Variants in FERMT2 observed in about 807,000 individuals in gnomAD.
FERMT2 encodes fermitin family homolog 2.
FERMT2 carries 15 observed loss-of-function variants against 82.7 expected under a neutral mutation model. The observed-to-expected ratio is 0.18, with a 90% CI of 0.12 to 0.28. FERMT2 has a LOEUF of 0.28. FERMT2 is among the 10% of genes least tolerant of loss of function. The probability of loss-of-function intolerance (pLI) is 1.00; values close to 1 mark genes in which losing one functional copy is unlikely to be tolerated. For missense variants in FERMT2, 645 were observed against 809.4 expected, an observed-to-expected ratio of 0.80 and a Z score of 2.46; for synonymous variants, 274 against 271.5, an observed-to-expected ratio of 1.01 and a Z score of -0.09.
chr14:52,915,523 G>T (rs1888566350), intron 3 of FERMT2, among the ~76,000 whole-genome samples: 1 of 151,446 alleles, frequency 6.6e-6, no homozygotes. Flanking sequence ...CTTATGTGGA[G>T]AAATAACAGA....
At chr14:52,882,070 T>C (rs562793889) in intron 4 of FERMT2, among the ~76,000 whole-genome samples, 33 of 152,318 alleles carry the variant, frequency 2.2e-4, no homozygotes, top group East Asian at 1.2e-3. Context: ...GTCAAGTATA[T>C]AGTGACAAAT....
chr14:52,876,616 C>G (rs1157575160), intron 7 of FERMT2, among the ~76,000 whole-genome samples: 1 of 152,174 alleles, frequency 6.6e-6, no homozygotes, highest in Non-Finnish European at 1.5e-5. Flanking sequence ...TTAATACATA[C>G]TCTGACTTAA....
chr14:52,934,329 G>A (rs1481792485), intron 2 of FERMT2, among the ~76,000 whole-genome samples: 2 of 152,176 alleles, frequency 1.3e-5, no homozygotes, highest in African/African-American at 2.4e-5. Context: ...TTTATTTAGT[G>A]TACTGTAATT....
intron 13 of FERMT2, 170 bp downstream of exon 13, chr14:52,860,171 G>A (rs1226234143): frequency 2.8e-5 from 16 of 568,778 alleles, no homozygotes; most frequent in Middle Eastern, 4.7e-4. Flanking sequence ...AATTTTTAAT[G>A]TAGAAATTAA....
rs1884659363 is a variant in FERMT2 at position 52,857,809 on chromosome 14, T to C, written c.*568A>G. 1 of 153,356 alleles carries C rather than the reference T, an allele frequency of 6.5e-6. No homozygotes were observed. The highest frequency in any genetic ancestry group is 1.5e-5 in the Non-Finnish European group (1 of 68,572). The allele number at this position is 153,356 out of a possible 1,614,324, so 9.5% of individuals were successfully genotyped here. Reference sequence around the variant, plus strand: ...AAAACACGAGACAATATACATAACATGCTTATTCAAGGACAAAAACAAATC... The same window carrying C: ...AAAACACGAGACAATATACATAACACGCTTATTCAAGGACAAAAACAAATC... On this transcript the variant is annotated 3_prime_UTR_variant, in exon 15 of 15. Coordinates refer to ENST00000341590, the MANE Select transcript of FERMT2 (RefSeq NM_006832.3).
intron 2 of FERMT2, among the ~76,000 whole-genome samples, chr14:52,941,808 A>G (rs889088166): frequency 6.6e-6 from 1 of 152,216 alleles, no homozygotes; most frequent in Non-Finnish European, 1.5e-5. Context: ...CTCTTATAGA[A>G]TATATTAAGT....
At chr14:52,906,442 C>T (rs912777281) in intron 3 of FERMT2, among the ~76,000 whole-genome samples, 2 of 149,246 alleles carry the variant, frequency 1.3e-5, no homozygotes, top group Admixed American at 1.4e-4. Flanking sequence ...AAGAATCCAA[C>T]TAATTCCAAG....
intron 3 of FERMT2, among the ~76,000 whole-genome samples, chr14:52,897,037 CACACACACA>C (rs1887316360): frequency 6.7e-6 from 1 of 149,322 alleles, no homozygotes; most frequent in Non-Finnish European, 1.5e-5. Flanking sequence ...CACACACACA[CACACACACA>C]CACCATGGTA....
chr14:52,910,017 C>T (rs1465539157), intron 3 of FERMT2, among the ~76,000 whole-genome samples: 2 of 152,086 alleles, frequency 1.3e-5, no homozygotes, highest in Non-Finnish European at 2.9e-5. Context: ...TGCGCCACTG[C>T]ACTCCAGCCT....
chr14:52,950,614 CT>C (rs1389874252), intron 1 of FERMT2, 37 bp from the exon 2 acceptor site: 16 of 1,600,846 alleles, frequency 1.0e-5, no homozygotes, highest in Non-Finnish European at 1.3e-5. Flanking sequence ...GTAAGCGTCA[CT>C]CCCCCAAAGA....
intron 10 of FERMT2, 26 bp downstream of exon 10, chr14:52,872,773 C>G (rs1885705228): frequency 3.7e-6 from 6 of 1,611,786 alleles, no homozygotes; most frequent in Non-Finnish European, 5.1e-6. Context: ...CCACCATCAA[C>G]AACAGCCGTG....
chr14:52,877,573 G>GCTTT (rs1886039543), intron 7 of FERMT2, among the ~76,000 whole-genome samples: 1 of 12,096 alleles, frequency 8.3e-5, no homozygotes, highest in African/African-American at 3.8e-4. Flanking sequence ...AGCTGTTCTT[G>GCTTT]CTTTTTTTTT....
chr14:52,892,611 C>T (rs1887010744), intron 4 of FERMT2, among the ~76,000 whole-genome samples: 2 of 151,706 alleles, frequency 1.3e-5, no homozygotes, highest in African/African-American at 2.4e-5. Flanking sequence ...CGTGCCACCA[C>T]GTCCAGCTAA....
intron 10 of FERMT2, among the ~76,000 whole-genome samples, chr14:52,866,187 G>C (rs756659662): frequency 2.6e-5 from 4 of 152,158 alleles, no homozygotes; most frequent in Non-Finnish European, 5.9e-5. Context: ...CACTAGTGTA[G>C]GCTCAGAGGC....
rs201950576 is a variant in FERMT2, at chr14:52,929,967, ATCC to A, written c.158-10614_158-10612del. On this transcript the variant is annotated intron_variant, in intron 2 of 14. Coordinates refer to ENST00000341590, the MANE Select transcript of FERMT2 (RefSeq NM_006832.3). ...CAAGAAATATTTAACAAATGAATTA[ATCC>A]TCCTTTTGAAAATTTTAAAGATCTC... 4.9e-3 allele frequency among the ~76,000 whole-genome samples: 753 copies of A among 152,266 alleles called. 9 individuals are homozygous for A. The highest frequency in any genetic ancestry group is 0.017 in the African/African-American group (722 of 41,518).
chr14:52,921,747 GA>G (rs886586028), intron 2 of FERMT2, among the ~76,000 whole-genome samples: 13 of 148,340 alleles, frequency 8.8e-5, no homozygotes, highest in African/African-American at 2.0e-4. Flanking sequence ...GAAAACAGGG[GA>G]AAAAAAAAAG....
rs772641985 is a variant in FERMT2 at position 52,874,162 on chromosome 14, C to T, written c.1148+15G>A. On this transcript the variant is annotated intron_variant, in intron 9 of 14. Transcript: ENST00000341590. ...ACAGTTATTAATATTTGGCATCCCTCCTTTTTGTACTTACTTGAAAACTTT... is the reference window on the plus strand; with the variant it reads ...ACAGTTATTAATATTTGGCATCCCTTCTTTTTGTACTTACTTGAAAACTTT... 2 of 1,548,416 alleles carry T rather than the reference C, an allele frequency of 1.3e-6. No individual in the cohort carries two copies. Among genetic ancestry groups the T allele is most frequent in the East Asian group, 4.6e-5 (2 of 43,574 alleles).
At chr14:52,927,593 A>G (rs1043230432) in intron 2 of FERMT2, among the ~76,000 whole-genome samples, 1 of 12,356 alleles carries the variant, frequency 8.1e-5, no homozygotes, top group Non-Finnish European at 2.6e-4. Context: ...TCATCCCTAT[A>G]AAAAAAAAAA....
intron 3 of FERMT2, among the ~76,000 whole-genome samples, chr14:52,903,412 C>T (rs527413124): frequency 6.6e-6 from 1 of 152,068 alleles, no homozygotes; most frequent in Admixed American, 6.6e-5. Flanking sequence ...GTGGTGCACA[C>T]CTGTAGTCTC....
Sources: gnomAD v4.1 joint callset for allele counts (sites outside exome capture counted in the v4.1 genomes callset) on GRCh38, gnomAD v4.1.1 for gene constraint, MANE v1.5 for transcripts, NCBI Gene and HGNC (gene_info 2026-07-23, HGNC 2026-07-21) for gene names.